MYO1D: variants seen among roughly 807,000 people sequenced by gnomAD.
MYO1D encodes unconventional myosin-Id.
Under a neutral mutation model 122.0 loss-of-function variants are expected in MYO1D, and 83 were observed. The observed-to-expected ratio is 0.68, with a 90% confidence interval of 0.57 to 0.82. MYO1D has a LOEUF of 0.82. MYO1D is among the 40% of genes least tolerant of loss of function. MYO1D has a pLI of 0.00. For missense variants in MYO1D, 1,157 were observed against 1,269.5 expected (o/e 0.91, Z 1.35); for synonymous variants, 464 against 446.9 (o/e 1.04, Z -0.48).
chr17:32,860,938 T>C (rs1055155986), intron 1 of MYO1D, among the ~76,000 whole-genome samples: 1 of 152,142 alleles, frequency 6.6e-6, no homozygotes, highest in Non-Finnish European at 1.5e-5. Flanking sequence ...CTCAAATCAG[T>C]GTTAGCCCAT....
chr17:32,736,327 C>T (rs895365745), intron 14 of MYO1D, among the ~76,000 whole-genome samples: 3 of 152,164 alleles, frequency 2.0e-5, no homozygotes, highest in African/African-American at 7.2e-5. Context: ...AAATGTCCTT[C>T]CCAGCTTCCC....
chr17:32,825,324 C>T (rs1438516276), intron 1 of MYO1D, among the ~76,000 whole-genome samples: 1 of 151,862 alleles, frequency 6.6e-6, no homozygotes, highest in Non-Finnish European at 1.5e-5. Context: ...CAGTGTTTTG[C>T]TCCAATGTCT....
intron 16 of MYO1D, among the ~76,000 whole-genome samples, chr17:32,699,822 C>T (rs1185445697): frequency 1.3e-5 from 2 of 152,036 alleles, no homozygotes; most frequent in Non-Finnish European, 2.9e-5. Context: ...TGAATATTTG[C>T]AATTTTCCAT....
In MYO1D at chr17:32,791,287, C is replaced by T. The variant is rs1011392106; in HGVS notation, c.96-10503G>A. ...GCTGAGGCAGGAGAATCGCTTGAAC[C>T]GAGGAGGCAGAGGTTGCAGTGAGCC... On this transcript the variant is annotated intron_variant, in intron 1 of 21. Transcript: ENST00000318217. Among the ~76,000 whole-genome samples the T allele has an allele frequency of 5.4e-5, 8 of 147,164 alleles. No individual in the cohort carries two copies. In the East Asian group the frequency reaches 1.4e-3, roughly 26 times the overall value.
chr17:32,611,253 C>T (rs948288788), intron 20 of MYO1D, among the ~76,000 whole-genome samples: 1 of 151,932 alleles, frequency 6.6e-6, no homozygotes, highest in Non-Finnish European at 1.5e-5. Flanking sequence ...CAAAACAGAC[C>T]GATATTAGAA....
chr17:32,547,611 G>C (rs1248080873), intron 21 of MYO1D, among the ~76,000 whole-genome samples: 1 of 152,208 alleles, frequency 6.6e-6, no homozygotes, highest in Non-Finnish European at 1.5e-5. Flanking sequence ...AGCATCCCAA[G>C]TGATTGTCTG....
intron 21 of MYO1D, among the ~76,000 whole-genome samples, chr17:32,604,792 T>C (rs906819128): frequency 2.6e-5 from 4 of 152,218 alleles, no homozygotes; most frequent in African/African-American, 9.6e-5. Flanking sequence ...ATAAAGTAAT[T>C]TGTCTATCTT....
intron 16 of MYO1D, among the ~76,000 whole-genome samples, chr17:32,689,895 T>G (rs1458503547): frequency 6.6e-6 from 1 of 151,858 alleles, no homozygotes; most frequent in Non-Finnish European, 1.5e-5. Flanking sequence ...ATTTTTAATT[T>G]TTGTATTTTT....
chr17:32,753,740 A>C (rs925252377), intron 11 of MYO1D, among the ~76,000 whole-genome samples: 1 of 152,088 alleles, frequency 6.6e-6, no homozygotes, highest in Non-Finnish European at 1.5e-5. Context: ...CTCTACAAAA[A>C]CACAAAAATT....
chr17:32,571,314 T>G (rs1441253866), intron 21 of MYO1D, among the ~76,000 whole-genome samples: 1 of 151,992 alleles, frequency 6.6e-6, no homozygotes, highest in Non-Finnish European at 1.5e-5. Context: ...ACTCTTCTGG[T>G]TTTTAACCCT....
intron 21 of MYO1D, among the ~76,000 whole-genome samples, chr17:32,600,928 A>C (rs1207922515): frequency 6.6e-6 from 1 of 150,892 alleles, no homozygotes; most frequent in Non-Finnish European, 1.5e-5. Flanking sequence ...CACTAAGCTT[A>C]ATCATTTCTA....
chr17:32,771,001 G>A (rs140120973), intron 6 of MYO1D, 124 bp downstream of exon 6: 2 of 550,498 alleles, frequency 3.6e-6, no homozygotes, highest in Non-Finnish European at 5.9e-6. Context: ...TTAAAAAATA[G>A]AACAGGATAA....
intron 16 of MYO1D, among the ~76,000 whole-genome samples, chr17:32,670,149 G>T (rs1292379177): frequency 6.6e-6 from 1 of 151,864 alleles, no homozygotes; most frequent in Non-Finnish European, 1.5e-5. Flanking sequence ...GCCCTCATTG[G>T]CCTCCCAAAG....
Position 32,641,718 on chromosome 17 carries a change from T to C in MYO1D, c.2596-2883A>G, listed in dbSNP as rs568933574. 5.9e-5 allele frequency among the ~76,000 whole-genome samples: 9 copies of C among 152,374 alleles called. No homozygotes were observed. The East Asian group carries it at 1.5e-3, about 26-fold the overall frequency. ...AGCATTTTTTCATGTGTGTGTTGGC[T>C]GCATAAATGTCTTCTTTTGAGAAGT... On this transcript the variant is annotated intron_variant, in intron 19 of 21. Transcript: ENST00000318217.
chr17:32,874,611 T>G (rs570278536), intron 1 of MYO1D, among the ~76,000 whole-genome samples: 25 of 152,286 alleles, frequency 1.6e-4, no homozygotes, highest in African/African-American at 5.8e-4. Flanking sequence ...TAGAGTACCT[T>G]GCACACAGTA....
rs111394719 is a variant in MYO1D at position 32,646,915 on chromosome 17, T to A, written c.2595+6928A>T. On this transcript the variant is annotated intron_variant, in intron 19 of 21. Coordinates refer to ENST00000318217, the MANE Select transcript of MYO1D (RefSeq NM_015194.3). ...CATATAGATGTAAATTCCAGACTTA[T>A]AATTATGGCAAAAAAGCACTCTTTT... Among the ~76,000 whole-genome samples the A allele has an allele frequency of 4.9e-4, 75 of 152,298 alleles. 1 individual carries two copies. Among genetic ancestry groups the A allele is most frequent in the Middle Eastern group, 3.4e-3 (1 of 294 alleles).
chr17:32,743,594 CATT>C (rs746402773), intron 13 of MYO1D, among the ~76,000 whole-genome samples: 111 of 151,438 alleles, frequency 7.3e-4, no homozygotes, highest in African/African-American at 2.2e-3. Flanking sequence ...CCTCAGCCTG[CATT>C]ATTATTATTA....
At chr17:32,636,768 A>T (rs1039071399) in intron 20 of MYO1D, among the ~76,000 whole-genome samples, 13 of 152,320 alleles carry the variant, frequency 8.5e-5, no homozygotes, top group Non-Finnish European at 1.6e-4. Flanking sequence ...TATACCCCAC[A>T]CTTATCACAC....
chr17:32,794,548 C>A (rs1431776391), intron 1 of MYO1D, among the ~76,000 whole-genome samples: 2 of 151,866 alleles, frequency 1.3e-5, no homozygotes. Flanking sequence ...ATGTTCCAAG[C>A]ATTGTGCTGG....
Sources: gnomAD v4.1 joint callset for allele counts (sites outside exome capture counted in the v4.1 genomes callset) on GRCh38, gnomAD v4.1.1 for gene constraint, MANE v1.5 for transcripts, NCBI Gene and HGNC (gene_info 2026-07-23, HGNC 2026-07-21) for gene names.